The following IMMP2L variants were observed in gnomAD, a reference collection of about 807,000 sequenced individuals.
IMMP2L encodes mitochondrial inner membrane protease subunit 2.
IMMP2L carries 18 observed loss-of-function variants against 19.3 expected under a neutral mutation model. The ratio of observed to expected loss-of-function variants is 0.93; its 90% CI spans 0.64 to 1.38. IMMP2L has a LOEUF of 1.38. Among genes scored for constraint, IMMP2L ranks in the 40% most tolerant of loss-of-function variants. IMMP2L has a pLI of 0.00. For missense variants in IMMP2L, 233 were observed against 218.2 expected, an observed-to-expected ratio of 1.07 and a Z score of -0.43; for synonymous variants, 76 against 73.0, an observed-to-expected ratio of 1.04 and a Z score of -0.21.
intron 5 of IMMP2L, among the ~76,000 whole-genome samples, chr7:110,703,888 C>G (rs1794462209): frequency 6.6e-6 from 1 of 151,764 alleles, no homozygotes. Flanking sequence ...CTCTATCGCC[C>G]AGGCTGGAGT....
chr7:111,065,717 A>T (rs547399918), intron 3 of IMMP2L, among the ~76,000 whole-genome samples: 1 of 152,174 alleles, frequency 6.6e-6, no homozygotes, highest in Non-Finnish European at 1.5e-5. Context: ...TCGGACTCCA[A>T]GTTCTCCTGT....
chr7:111,109,060 T>C (rs1798876154), intron 3 of IMMP2L, among the ~76,000 whole-genome samples: 1 of 152,138 alleles, frequency 6.6e-6, no homozygotes, highest in Non-Finnish European at 1.5e-5. Context: ...AAATGATCTA[T>C]AAAGAAAACA....
At chr7:110,716,851 G>A (rs1403229329) in intron 5 of IMMP2L, among the ~76,000 whole-genome samples, 1 of 152,156 alleles carries the variant, frequency 6.6e-6, no homozygotes, top group Non-Finnish European at 1.5e-5. Context: ...TCCTATATGT[G>A]ATTGAAAGTG....
At chr7:111,514,611 A>G (rs758444046) in intron 2 of IMMP2L, among the ~76,000 whole-genome samples, 3 of 152,112 alleles carry the variant, frequency 2.0e-5, no homozygotes, top group Non-Finnish European at 4.4e-5. Context: ...ATCACTTACA[A>G]TGGGTAAATT....
At chr7:110,940,366 A>C (rs1816607787) in intron 4 of IMMP2L, among the ~76,000 whole-genome samples, 1 of 152,116 alleles carries the variant, frequency 6.6e-6, no homozygotes, top group Admixed American at 6.6e-5. Flanking sequence ...CAACATAGAC[A>C]AATAAAAACA....
intron 5 of IMMP2L, among the ~76,000 whole-genome samples, chr7:110,745,796 CAT>C (rs1377946393): frequency 2.0e-5 from 3 of 152,166 alleles, no homozygotes; most frequent in East Asian, 3.8e-4. Flanking sequence ...ACTGCAAAAA[CAT>C]ATCAAATTGT....
At chr7:111,104,676 G>A (rs1001418056) in intron 3 of IMMP2L, among the ~76,000 whole-genome samples, 1 of 151,666 alleles carries the variant, frequency 6.6e-6, no homozygotes, top group Non-Finnish European at 1.5e-5. Context: ...GTGGAGAAAA[G>A]GAAAATTAAT....
intron 3 of IMMP2L, among the ~76,000 whole-genome samples, chr7:111,011,132 A>T (rs1824901827): frequency 6.6e-6 from 1 of 152,102 alleles, no homozygotes; most frequent in Admixed American, 6.6e-5. Context: ...GGCAATGATT[A>T]TGGAAAGAAA....
intron 5 of IMMP2L, among the ~76,000 whole-genome samples, chr7:110,838,488 G>A (rs904414179): frequency 2.6e-5 from 4 of 152,042 alleles, no homozygotes; most frequent in Admixed American, 2.0e-4. Flanking sequence ...AAGGTAACTG[G>A]ATAATGAGGG....
chr7:110,902,931 C>CA (rs752631512), intron 4 of IMMP2L, among the ~76,000 whole-genome samples: 1,569 of 8,406 alleles, frequency 0.19, 327 homozygotes, highest in East Asian at 0.9. Flanking sequence ...GACTCCGTCT[C>CA]AAAAAAAAAA....
At chr7:111,167,230 T>G (rs1805922840) in intron 3 of IMMP2L, among the ~76,000 whole-genome samples, 1 of 151,960 alleles carries the variant, frequency 6.6e-6, no homozygotes, top group Non-Finnish European at 1.5e-5. Flanking sequence ...AGATCTTTCC[T>G]CTGATTATGT....
At chr7:111,222,322 CAAAA>C (rs1008868997) in intron 3 of IMMP2L, among the ~76,000 whole-genome samples, 2 of 151,286 alleles carry the variant, frequency 1.3e-5, no homozygotes, top group Non-Finnish European at 3.0e-5. Flanking sequence ...CCTAACAAAA[CAAAA>C]AAACTCTGCC....
At chr7:110,739,377 C>A (rs1796846914) in intron 5 of IMMP2L, among the ~76,000 whole-genome samples, 1 of 152,044 alleles carries the variant, frequency 6.6e-6, no homozygotes, top group Non-Finnish European at 1.5e-5. Flanking sequence ...AAAAGACATT[C>A]CATGCAAATG....
At chr7:111,194,385 C>T (rs988107442) in intron 3 of IMMP2L, among the ~76,000 whole-genome samples, 5 of 152,136 alleles carry the variant, frequency 3.3e-5, no homozygotes, top group African/African-American at 1.2e-4. Flanking sequence ...ATTTATCTTG[C>T]CTAAGGAGCA....
intron 5 of IMMP2L, among the ~76,000 whole-genome samples, chr7:110,802,883 C>T (rs552392229): frequency 1.3e-5 from 2 of 152,178 alleles, no homozygotes; most frequent in Admixed American, 6.5e-5. Flanking sequence ...ATTTCTGGGC[C>T]GGTTATCTGT....
intron 3 of IMMP2L, among the ~76,000 whole-genome samples, chr7:111,285,703 A>G (rs77692089): frequency 0.011 from 1,629 of 152,316 alleles, 29 homozygotes; most frequent in African/African-American, 0.036. Flanking sequence ...AGCATATGAT[A>G]GCACTTAACA....
At chr7:111,270,677 A>G (rs1192410053) in intron 3 of IMMP2L, among the ~76,000 whole-genome samples, 2 of 152,180 alleles carry the variant, frequency 1.3e-5, no homozygotes, top group Admixed American at 1.3e-4. Context: ...GAGTTTAATC[A>G]AAGTAATTTC....
intron 3 of IMMP2L, among the ~76,000 whole-genome samples, chr7:111,444,140 C>T (rs546907079): frequency 1.3e-5 from 2 of 151,976 alleles, no homozygotes; most frequent in South Asian, 4.2e-4. Context: ...CTATTTTCCC[C>T]ATTCTCATAT....
chr7:111,134,650 T>C (rs1176273425), intron 3 of IMMP2L, among the ~76,000 whole-genome samples: 3 of 152,226 alleles, frequency 2.0e-5, no homozygotes, highest in African/African-American at 7.2e-5. Flanking sequence ...GGAACTCTGA[T>C]ACATGCATTA....
Sources: allele counts gnomAD v4.1 joint callset (sites outside exome capture counted in the v4.1 genomes callset), GRCh38; gene constraint gnomAD v4.1.1; transcripts MANE v1.5; gene names NCBI Gene and HGNC (gene_info 2026-07-23, HGNC 2026-07-21).